The following EPS8 variants were observed in gnomAD, a reference collection of about 807,000 sequenced individuals.
EPS8 encodes the protein EGFR pathway substrate 8, signaling adaptor, also known as epidermal growth factor receptor kinase substrate 8.
Under a neutral mutation model 103.8 loss-of-function variants are expected in EPS8, and 42 were observed. The observed-to-expected ratio is 0.40, with a 90% CI of 0.32 to 0.52. The LOEUF (loss-of-function observed/expected upper bound fraction) is 0.52. Ranked by LOEUF, EPS8 falls within the 20% of genes least tolerant of loss-of-function variation. EPS8 has a pLI of 0.40. For missense variants in EPS8, 969 were observed against 1,005.1 expected, an observed-to-expected ratio of 0.96 and a Z score of 0.49; for synonymous variants, 344 against 344.6, an observed-to-expected ratio of 1.00 and a Z score of 0.02.
rs200002514 is a variant in EPS8, at chr12:15,621,365, G to C, written c.2421C>G (p.Ala807=). 2.5e-6 allele frequency: 4 copies of C among 1,602,612 alleles called. No homozygotes were observed. The highest frequency in any genetic ancestry group is 3.4e-6 in the Non-Finnish European group (4 of 1,175,698). The change falls in exon 21 of 21, where the codon GCC becomes GCG. Residue 807 remains alanine (A), a synonymous_variant. Transcript: ENST00000281172. Reference sequence around the variant, plus strand: ...AAGATTCCACTCCTGAATCACTAGCGGCAGCACTGATTTTTTCCTGTCGTC... The same window carrying C: ...AAGATTCCACTCCTGAATCACTAGCCGCAGCACTGATTTTTTCCTGTCGTC... The part of the protein sequence containing the change: ...MRRRQEKISA[A]ASDSGVESFD...
rs531342250 is a variant in EPS8 at position 15,772,733 on chromosome 12, A to G, written c.-22+16428T>C. Among the ~76,000 whole-genome samples, 20 of 152,308 alleles carry G rather than the reference A, an allele frequency of 1.3e-4. No individual in the cohort carries two copies. Among genetic ancestry groups the G allele is most frequent in the African/African-American group, 4.1e-4 (17 of 41,562 alleles). On this transcript the variant is annotated intron_variant, in intron 1 of 20. Coordinates refer to ENST00000281172, the MANE Select transcript of EPS8 (RefSeq NM_004447.6). This position sits in a 1 kb window ranked among gnomAD's most constrained non-coding sequence, Gnocchi z 5.0. ...AGCAGAGGTAGATGTTAACCAGGAAAGAACAGCACCACCACAGGAGCCAAA... is the reference window on the plus strand; with the variant it reads ...AGCAGAGGTAGATGTTAACCAGGAAGGAACAGCACCACCACAGGAGCCAAA...
chr12:15,699,027 A>G (rs1442251829), intron 1 of EPS8, among the ~76,000 whole-genome samples: 1 of 152,188 alleles, frequency 6.6e-6, no homozygotes, highest in African/African-American at 2.4e-5. Context: ...AGCATGGCTC[A>G]CCACAACCTA....
chr12:15,677,405 T>C (rs1489038420), intron 3 of EPS8, among the ~76,000 whole-genome samples: 1 of 152,160 alleles, frequency 6.6e-6, no homozygotes, highest in Non-Finnish European at 1.5e-5. Context: ...CCCACTATAG[T>C]GTCAGACCTG....
chr12:15,672,908 A>T (rs1000485492), intron 3 of EPS8, among the ~76,000 whole-genome samples: 1 of 152,214 alleles, frequency 6.6e-6, no homozygotes, highest in East Asian at 1.9e-4. Flanking sequence ...ACACCCAGTC[A>T]TGATATGGCA....
intron 3 of EPS8, among the ~76,000 whole-genome samples, chr12:15,677,732 TGTG>T (rs1217283491): frequency 6.6e-6 from 1 of 152,242 alleles, no homozygotes. Context: ...AAGTTGCAGA[TGTG>T]GTTTCTTTCT....
At chr12:15,758,022 T>A (rs1947005098) in intron 1 of EPS8, among the ~76,000 whole-genome samples, 1 of 152,084 alleles carries the variant, frequency 6.6e-6, no homozygotes, top group African/African-American at 2.4e-5. Context: ...TTAGCTGGAG[T>A]TGTGTAACAT....
rs1017749387 is a variant in EPS8, at chr12:15,736,604, G to A, written c.-22+52557C>T. ...TTCTTTTTCTATAGGTTCTAATGAAGTTAGTAAGCAAATCAATCCGCAGCA... is the reference window on the plus strand; with the variant it reads ...TTCTTTTTCTATAGGTTCTAATGAAATTAGTAAGCAAATCAATCCGCAGCA... On this transcript the variant is annotated intron_variant, in intron 1 of 20. Coordinates refer to ENST00000281172, the MANE Select transcript of EPS8 (RefSeq NM_004447.6). The surrounding 1 kb of genome is among the most constrained non-coding windows in gnomAD (Gnocchi z 4.2). Among the ~76,000 whole-genome samples the A allele has an allele frequency of 8.5e-5, 13 of 152,160 alleles. No homozygotes were observed. Among genetic ancestry groups the A allele is most frequent in the African/African-American group, 3.1e-4 (13 of 41,418 alleles).
chr12:15,681,673 T>C (rs2135886435), intron 2 of EPS8, among the ~76,000 whole-genome samples: 1 of 133,664 alleles, frequency 7.5e-6, no homozygotes, highest in African/African-American at 2.9e-5. Flanking sequence ...GAGGTTGCAG[T>C]GAGCCAAGAT....
chr12:15,773,677 C>A (rs769929892), intron 1 of EPS8, among the ~76,000 whole-genome samples: 1 of 152,060 alleles, frequency 6.6e-6, no homozygotes, highest in Non-Finnish European at 1.5e-5. Flanking sequence ...TAGTCTGCAT[C>A]AGTTTTATCA....
In EPS8 at chr12:15,640,825, AT is replaced by A. The variant is rs1301403541; in HGVS notation, c.1698del (p.Gln566HisfsTer23). On this transcript the variant is annotated frameshift_variant, in exon 17 of 21. Transcript: ENST00000281172. LOFTEE classifies it high-confidence loss of function. ...DILEILDDRK[Q>X]WWKVRNASGD... The stretch of plus-strand genomic sequence containing the variant: ...CCACTTGCATTTCGAACTTTCCACC[AT>A]TGCTTCCGATCATCAAGTATCTGTC... 6.2e-7 allele frequency: 1 copy of A among 1,613,824 alleles called. No individual in the cohort carries two copies. The highest frequency in any genetic ancestry group is 8.5e-7 in the Non-Finnish European group (1 of 1,179,856).
chr12:15,652,761 A>C (rs1231971639), intron 13 of EPS8, among the ~76,000 whole-genome samples: 1 of 152,190 alleles, frequency 6.6e-6, no homozygotes, highest in Non-Finnish European at 1.5e-5. Context: ...CTGCTTAACT[A>C]TATTCCAACA....
At chr12:15,719,061 G>A (rs1292571505) in intron 1 of EPS8, among the ~76,000 whole-genome samples, 1 of 152,038 alleles carries the variant, frequency 6.6e-6, no homozygotes, top group African/African-American at 2.4e-5. Flanking sequence ...GGGCAAATCA[G>A]TAAATACAAA....
Position 15,681,299 on chromosome 12 carries a change from G to A in EPS8, c.63C>T (p.Gly21=). The A allele has an allele frequency of 7.4e-7, 1 of 1,352,314 alleles. No individual in the cohort carries two copies. The highest frequency in any genetic ancestry group is 9.9e-7 in the Non-Finnish European group (1 of 1,010,004). The allele number at this position is 1,352,314 out of a possible 1,614,324, so 83.8% of individuals were successfully genotyped here. A position where few individuals can be genotyped will look rare whatever the true frequency, so the allele number is the denominator to read the frequency against. Residue 21 remains glycine, a synonymous_variant, in exon 3 of 21, where the codon GGC becomes GGT. Transcript: ENST00000281172. ...GGGAAAAGGTAGGTGATGATCCGTAGCCACTGTAATAATAATAATAATAAT... is the reference window on the plus strand; with the variant it reads ...GGGAAAAGGTAGGTGATGATCCGTAACCACTGTAATAATAATAATAATAAT... ...SFGMYPSQMN[G]YGSSPTFSQT...
chr12:15,753,531 A>G (rs897096887), intron 1 of EPS8, among the ~76,000 whole-genome samples: 3 of 151,924 alleles, frequency 2.0e-5, no homozygotes, highest in Non-Finnish European at 4.4e-5. Context: ...CATAAGTCGC[A>G]TCAGATTCAG....
intron 1 of EPS8, among the ~76,000 whole-genome samples, chr12:15,753,638 T>C (rs1418312024): frequency 2.0e-5 from 3 of 152,192 alleles, no homozygotes; most frequent in African/African-American, 4.8e-5. Flanking sequence ...AAAACTCTAA[T>C]GCAAGCACAT....
rs374812408 is a variant in EPS8, at chr12:15,700,293, T to C, written c.-21-17321A>G. On this transcript the variant is annotated intron_variant, in intron 1 of 20. Transcript: ENST00000281172. The surrounding 1 kb of genome is among the most constrained non-coding windows in gnomAD (Gnocchi z 5.1). Reference sequence around the variant, plus strand: ...AACCACTCTAACGTATTCTTTTCTATCTTCTAAACAATTCTGAGGTGTGGC... The same window carrying C: ...AACCACTCTAACGTATTCTTTTCTACCTTCTAAACAATTCTGAGGTGTGGC... Among the ~76,000 whole-genome samples the C allele has an allele frequency of 9.8e-5, 15 of 152,350 alleles. No homozygotes were observed. Among genetic ancestry groups the C allele is most frequent in the African/African-American group, 3.4e-4 (14 of 41,580 alleles).
rs891136848 is a variant in EPS8, at chr12:15,701,314, G to A, written c.-21-18342C>T. ...CTACTTTTATCTCTAGTTTACAGATGAGGAAACTGGGGCACAGAAGTGCCT... is the reference window on the plus strand; with the variant it reads ...CTACTTTTATCTCTAGTTTACAGATAAGGAAACTGGGGCACAGAAGTGCCT... On this transcript the variant is annotated intron_variant, in intron 1 of 20. Transcript: ENST00000281172. The surrounding 1 kb of genome is among the most constrained non-coding windows in gnomAD (Gnocchi z 5.1). 2.0e-5 allele frequency among the ~76,000 whole-genome samples: 3 copies of A among 152,186 alleles called. No individual in the cohort carries two copies. The highest frequency in any genetic ancestry group is 7.2e-5 in the African/African-American group (3 of 41,444).
chr12:15,623,311 A>G (rs1329401547), intron 19 of EPS8, 24 bp from the exon 20 acceptor site: 2 of 1,567,968 alleles, frequency 1.3e-6, no homozygotes, highest in African/African-American at 2.8e-5. Context: ...AAGGAAAAAG[A>G]AACTGAGCAT....
intron 1 of EPS8, among the ~76,000 whole-genome samples, chr12:15,756,081 C>G (rs527639482): frequency 6.6e-6 from 1 of 152,306 alleles, no homozygotes; most frequent in South Asian, 2.1e-4. Context: ...TCTGACTTAA[C>G]TTACTAAACT....
Sources: gnomAD v4.1 joint callset for allele counts (sites outside exome capture counted in the v4.1 genomes callset) on GRCh38, gnomAD v4.1.1 for gene constraint, Gnocchi (gnomAD v3.1) non-coding constraint, MANE v1.5 for transcripts, NCBI Gene and HGNC (gene_info 2026-07-23, HGNC 2026-07-21) for gene names.